NT5DC2: variants seen among roughly 807,000 people sequenced by gnomAD.
NT5DC2 encodes the protein 5'-nucleotidase domain-containing protein 2.
In NT5DC2, 41 loss-of-function variants were observed where a neutral mutation model predicts 70.0. The ratio of observed to expected loss-of-function variants is 0.59; its 90% CI spans 0.46 to 0.76. The LOEUF is 0.76. Ranked by LOEUF, NT5DC2 falls within the 30% of genes least tolerant of loss-of-function variation. NT5DC2 has a pLI of 0.00. For missense variants in NT5DC2, 705 were observed against 783.2 expected, an observed-to-expected ratio of 0.90 and a Z score of 1.19; for synonymous variants, 299 against 310.4, an observed-to-expected ratio of 0.96 and a Z score of 0.39.
In NT5DC2 at chr3:52,533,798, C is replaced by T; in HGVS notation, c.-61G>A. The T allele has an allele frequency of 2.0e-6, 2 of 977,236 alleles. No homozygotes were observed. Among genetic ancestry groups the T allele is most frequent in the Non-Finnish European group, 2.4e-6 (2 of 825,408 alleles). The allele number at this position is 977,236 out of a possible 1,614,324, so 60.5% of individuals were successfully genotyped here. On this transcript the variant is annotated 5_prime_UTR_variant, in exon 1 of 14. Coordinates refer to ENST00000422318, the MANE Select transcript of NT5DC2 (RefSeq NM_001134231.2). ...CGGCCAGCCCGCCGCCCGCCGCCCGCCGCCCTCCGACTGCGCGCCCGCCAC... is the reference window on the plus strand; with the variant it reads ...CGGCCAGCCCGCCGCCCGCCGCCCGTCGCCCTCCGACTGCGCGCCCGCCAC...
At chr3:52,534,650 G>T (rs1321349339), upstream of NT5DC2, 8 of 1,611,510 alleles carry the variant, frequency 5.0e-6, no homozygotes, top group Admixed American at 5.0e-5. Flanking sequence ...CTCTCCACTC[G>T]CATTTCTTCT....
Position 52,528,199 on chromosome 3 carries a change from A to T in NT5DC2, c.755T>A (p.Leu252His), listed in dbSNP as rs1393368813. Residue 252 changes from leucine (L) to histidine (H), a missense_variant, in exon 6 of 14, where the codon CTC (leucine) becomes CAC (histidine). Physicochemically the swap from Leu to His is moderately conservative, Grantham distance 99 (BLOSUM62 -3). Transcript: ENST00000422318. ...CATCCTCACCGTCACGTCCTTGTAGAGATGTGCTTGGTCAAACTCCAGGCT... is the reference window on the plus strand; with the variant it reads ...CATCCTCACCGTCACGTCCTTGTAGTGATGTGCTTGGTCAAACTCCAGGCT... Reference protein sequence around the residue: ...GHSLEFDQAHLYKDVTDAIRD... With the variant: ...GHSLEFDQAHHYKDVTDAIRD... 3 of 1,613,124 alleles carry T rather than the reference A, an allele frequency of 1.9e-6. No individual in the cohort carries two copies. Among genetic ancestry groups the T allele is most frequent in the Non-Finnish European group, 2.5e-6 (3 of 1,180,034 alleles).
At chr3:52,527,556 C>T in intron 9 of NT5DC2, 61 bp downstream of exon 9, 2 of 1,576,924 alleles carry the variant, frequency 1.3e-6, no homozygotes. Flanking sequence ...CTTCAGTCCC[C>T]TCATTGGGGT....
chr3:52,533,776 C>CCCGCTCG lies in NT5DC2; in HGVS notation c.-40_-39insCGAGCGG. Reference sequence around the variant, plus strand: ...CGCCCGCCGCCCGCGCTGCCCTCGGCCAGCCCGCCGCCCGCCGCCCGCCGC... The same window carrying CCCGCTCG: ...CGCCCGCCGCCCGCGCTGCCCTCGGCCCGCTCGCAGCCCGCCGCCCGCCGCCCGCCGC... On this transcript the variant is annotated 5_prime_UTR_variant, in exon 1 of 14. Coordinates refer to ENST00000422318, the MANE Select transcript of NT5DC2 (RefSeq NM_001134231.2). The CCCGCTCG allele has an allele frequency of 1.0e-6, 1 of 971,572 alleles. No individual in the cohort carries two copies. Among genetic ancestry groups the CCCGCTCG allele is most frequent in the Non-Finnish European group, 1.2e-6 (1 of 825,914 alleles). 60.2% of individuals were successfully genotyped at this position (971,572 alleles called of 1,614,324 possible).
chr3:52,527,238 GCCCTA>G, intron 10 of NT5DC2, 51 bp downstream of exon 10: 1 of 1,529,318 alleles, frequency 6.5e-7, no homozygotes, highest in South Asian at 1.1e-5. Context: ...ACAGCCTGGG[GCCCTA>G]GCTAGGCCCC....
At chr3:52,528,369 G>C in intron 5 of NT5DC2, 58 bp from the exon 6 acceptor site, 1 of 1,613,262 alleles carries the variant, frequency 6.2e-7, no homozygotes, top group Non-Finnish European at 8.5e-7. Flanking sequence ...TTCAGTGCTG[G>C]AGACGAGGGC....
upstream of NT5DC2, chr3:52,534,985 G>A (rs532322817): frequency 3.3e-6 from 1 of 303,670 alleles, no homozygotes; most frequent in African/African-American, 2.2e-5. Flanking sequence ...TCCTCCAGGC[G>A]AGGGGATGCC....
chr3:52,524,709 T>C lies in NT5DC2; in HGVS notation c.1435A>G (p.Asn479Asp), dbSNP rs751918394. The change falls in exon 14 of 14, where the codon AAT (asparagine) becomes GAT (aspartate). Residue 479 changes from asparagine to aspartate, a missense_variant. By Grantham distance (23) the Asn-to-Asp change is conservative. Transcript: ENST00000422318. ...CGGAAGATGCTGCCGAACTGCGCAT[T>C]GAACAGGGCCTTGGTGATGCACCTG... ...ELRCITKALF[N>D]AQFGSIFRTF... The C allele has an allele frequency of 6.2e-7, 1 of 1,612,734 alleles. No individual in the cohort carries two copies. Among genetic ancestry groups the C allele is most frequent in the South Asian group, 1.1e-5 (1 of 91,082 alleles).
chr3:52,527,477 C>T (rs1004372940), intron 9 of NT5DC2, 102 bp from the exon 10 acceptor site: 1 of 1,473,840 alleles, frequency 6.8e-7, no homozygotes, highest in Admixed American at 1.9e-5. Flanking sequence ...CAAGTGGACC[C>T]ATGCCAGCAA....
At position 52,531,351 on chromosome 3, in the gene NT5DC2, G is replaced by A. The variant is rs1038808728; in HGVS notation, c.233-2017C>T. 1.3e-5 allele frequency among the ~76,000 whole-genome samples: 2 copies of A among 152,190 alleles called. No individual in the cohort carries two copies. Among genetic ancestry groups the A allele is most frequent in the African/African-American group, 4.8e-5 (2 of 41,456 alleles). On this transcript the variant is annotated intron_variant, in intron 1 of 13. Coordinates refer to ENST00000422318, the MANE Select transcript of NT5DC2 (RefSeq NM_001134231.2). This position sits in a 1 kb window ranked among gnomAD's most constrained non-coding sequence, Gnocchi z 4.1. ...ACCCCTCAAGGCCCAGGGTTCTGGT[G>A]TGTCACTAGGACCCTGGGCCTTGCC...
Position 52,529,531 on chromosome 3 carries a change from G to C in NT5DC2, c.233-197C>G, listed in dbSNP as rs760624582. Among the ~76,000 whole-genome samples the C allele has an allele frequency of 1.1e-4, 16 of 152,108 alleles. No homozygotes were observed. Among genetic ancestry groups the C allele is most frequent in the Non-Finnish European group, 1.0e-4 (7 of 68,008 alleles). ...GCCCAGGGTCACGCAGTTAGGGTAA[G>C]GCAGAGCCCCTGGCTGGAGCTCCTC... On this transcript the variant is annotated intron_variant, in intron 1 of 13. Transcript: ENST00000422318. This position sits in a 1 kb window ranked among gnomAD's most constrained non-coding sequence, Gnocchi z 4.1.
At chr3:52,525,174 C>A in intron 11 of NT5DC2, 35 bp downstream of exon 11, 1 of 1,591,970 alleles carries the variant, frequency 6.3e-7, no homozygotes, top group Non-Finnish European at 8.6e-7. Context: ...GTTTCCTGGC[C>A]CTCCCCCACT....
Position 52,533,771 on chromosome 3 carries a change from CTCG to C in NT5DC2, c.-37_-35del, listed in dbSNP as rs2079393443. 1 of 966,866 alleles carries C rather than the reference CTCG, an allele frequency of 1.0e-6. No individual in the cohort carries two copies. Among genetic ancestry groups the C allele is most frequent in the African/African-American group, 1.9e-5 (1 of 53,544 alleles). The allele number at this position is 966,866 out of a possible 1,614,324, so 59.9% of individuals were successfully genotyped here. A position where few individuals can be genotyped will look rare whatever the true frequency, so the allele number is the denominator to read the frequency against. ...CGCGCCGCCCGCCGCCCGCGCTGCC[CTCG>C]GCCAGCCCGCCGCCCGCCGCCCGCC... On this transcript the variant is annotated 5_prime_UTR_variant, in exon 1 of 14. Coordinates refer to ENST00000422318, the MANE Select transcript of NT5DC2 (RefSeq NM_001134231.2).
chr3:52,534,859 G>T, upstream of NT5DC2: 1 of 607,412 alleles, frequency 1.6e-6, no homozygotes. Context: ...CAGTGTGGCA[G>T]TCCATGGCCT....
intron 6 of NT5DC2, 36 bp downstream of exon 6, chr3:52,528,147 T>C (rs2079306875): frequency 1.2e-6 from 2 of 1,613,012 alleles, no homozygotes; most frequent in Middle Eastern, 1.6e-4. Flanking sequence ...GGACTTAGTC[T>C]TTCCTGCCAT....
chr3:52,524,530 G>C lies in NT5DC2; in HGVS notation c.1614C>G (p.Asp538Glu), dbSNP rs1418628371. ...TCTTCATGCAGCCGGTGCAGAGCTG[G>C]TCCATCCAGAGGGGTGCCTCGTGCT... is the stretch of plus-strand genomic sequence containing the variant. ...PLQHEAPLWM[D>E]QLCTGCMKTP... The change falls in exon 14 of 14, where the codon GAC (aspartate) becomes GAG (glutamate). Residue 538 changes from aspartate to glutamate, a missense_variant. Asp to Glu is a conservative substitution (Grantham distance 45, BLOSUM62 2). Transcript: ENST00000422318. The C allele has an allele frequency of 6.2e-7, 1 of 1,613,082 alleles. No homozygotes were observed.
intron 1 of NT5DC2, among the ~76,000 whole-genome samples, chr3:52,530,621 G>A (rs963933628): frequency 7.5e-4 from 114 of 152,226 alleles, no homozygotes; most frequent in African/African-American, 2.6e-3. Flanking sequence ...AGGCTGAGGC[G>A]AGAGGATTGC....
Position 52,531,620 on chromosome 3 carries a change from G to C in NT5DC2, c.232+1886C>G, listed in dbSNP as rs943591891. 1.4e-5 allele frequency among the ~76,000 whole-genome samples: 2 copies of C among 145,840 alleles called. No homozygotes were observed. Among genetic ancestry groups the C allele is most frequent in the African/African-American group, 5.0e-5 (2 of 40,032 alleles). On this transcript the variant is annotated intron_variant, in intron 1 of 13. Transcript: ENST00000422318. This position sits in a 1 kb window ranked among gnomAD's most constrained non-coding sequence, Gnocchi z 4.1. ...GCCTGGCCTGATTTCTAGACTAGAA[G>C]AACCTTGGCTCTGGGGCGACAGAAG...
At chr3:52,532,948 A>G (rs954264057) in intron 1 of NT5DC2, among the ~76,000 whole-genome samples, 3 of 152,244 alleles carry the variant, frequency 2.0e-5, no homozygotes, top group Non-Finnish European at 4.4e-5. Flanking sequence ...TTGCAGCCCT[A>G]GTCTGGGCTC....
Sources: gnomAD v4.1 joint callset for allele counts (sites outside exome capture counted in the v4.1 genomes callset) on GRCh38, gnomAD v4.1.1 for gene constraint, Gnocchi (gnomAD v3.1) non-coding constraint, MANE v1.5 for transcripts, NCBI Gene and HGNC (gene_info 2026-07-23, HGNC 2026-07-21) for gene names.